Variants in QRFPR observed in about 807,000 individuals in gnomAD.
QRFPR encodes the protein pyroglutamylated RFamide peptide receptor, also known as pyroglutamylated RF-amide peptide receptor.
QRFPR carries 37 observed loss-of-function variants against 31.3 expected under a neutral mutation model. That is an observed-to-expected ratio of 1.18 (90% CI 0.91 to 1.56). The LOEUF (loss-of-function observed/expected upper bound fraction) is 1.56, where lower values mean the gene tolerates loss of function less well. QRFPR is among the 40% of genes most tolerant of loss of function. The pLI, the probability that QRFPR is intolerant of heterozygous loss-of-function variation, is 0.00. For synonymous variants in QRFPR, 197 were observed against 192.0 expected (o/e 1.03, Z -0.22); for missense variants, 542 against 532.5 (o/e 1.02, Z -0.18).
At position 121,370,229 on chromosome 4, in the gene QRFPR, G is replaced by T. The variant is rs191210918; in HGVS notation, c.340+10079C>A. ...ATGGAGGAGGAGTCATGGGTGCAGG[G>T]TCCTTGAGGGTATCATCATAGCTGA... On this transcript the variant is annotated intron_variant, in intron 1 of 5. Transcript: ENST00000394427. The T allele has an allele frequency of 3.3e-4, 255 of 777,550 alleles. No homozygotes were observed. The East Asian group carries it at 5.9e-3, about 18-fold the overall frequency. 48.2% of individuals were successfully genotyped at this position (777,550 alleles called of 1,614,324 possible).
intron 1 of QRFPR, among the ~76,000 whole-genome samples, chr4:121,345,766 G>A (rs1251926185): frequency 2.0e-5 from 3 of 152,140 alleles, no homozygotes; most frequent in African/African-American, 7.2e-5. Context: ...CTCTCACTGA[G>A]AACAGTGTTC....
At chr4:121,372,496 T>C (rs1409464238) in intron 1 of QRFPR, among the ~76,000 whole-genome samples, 2 of 152,232 alleles carry the variant, frequency 1.3e-5, no homozygotes, top group African/African-American at 4.8e-5. Context: ...ACATTCACAG[T>C]GTCGTGCAAT....
intron 1 of QRFPR, among the ~76,000 whole-genome samples, chr4:121,360,249 T>TG: frequency 6.6e-6 from 1 of 152,300 alleles, no homozygotes. Flanking sequence ...TGTAAAATGG[T>TG]TTGCCTTTGT....
chr4:121,349,112 T>C (rs2110473742), intron 1 of QRFPR, among the ~76,000 whole-genome samples: 1 of 63,980 alleles, frequency 1.6e-5, no homozygotes. Context: ...AAAAATAAAG[T>C]AAAATAAAAT....
chr4:121,351,108 G>A (rs555130177), intron 1 of QRFPR, among the ~76,000 whole-genome samples: 1 of 152,328 alleles, frequency 6.6e-6, no homozygotes, highest in Admixed American at 6.5e-5. Flanking sequence ...AGGAAAGACA[G>A]CTTTCCTCAA....
intron 1 of QRFPR, among the ~76,000 whole-genome samples, chr4:121,351,773 G>A (rs143039159): frequency 3.0e-4 from 46 of 151,574 alleles, no homozygotes; most frequent in Admixed American, 9.2e-4. Context: ...TAAAATATTA[G>A]GAGTACTTAT....
At chr4:121,378,398 C>T (rs1374252469) in intron 1 of QRFPR, among the ~76,000 whole-genome samples, 1 of 149,266 alleles carries the variant, frequency 6.7e-6, no homozygotes, top group African/African-American at 2.5e-5. Flanking sequence ...AAAGATCTGG[C>T]TCACTGCACT....
At chr4:121,373,275 G>A (rs1726286571) in intron 1 of QRFPR, among the ~76,000 whole-genome samples, 1 of 152,272 alleles carries the variant, frequency 6.6e-6, no homozygotes, top group East Asian at 1.9e-4. Context: ...GTCCTAAGTA[G>A]AGAGAATCTT....
chr4:121,337,605 C>T (rs1364458518), intron 2 of QRFPR, among the ~76,000 whole-genome samples: 1 of 152,210 alleles, frequency 6.6e-6, no homozygotes, highest in African/African-American at 2.4e-5. Context: ...CTCTCTGTCA[C>T]CTCTTTTTAA....
intron 1 of QRFPR, among the ~76,000 whole-genome samples, chr4:121,377,359 A>C (rs1334361138): frequency 2.6e-5 from 4 of 152,012 alleles, no homozygotes; most frequent in Non-Finnish European, 5.9e-5. Flanking sequence ...TCACCCCTGA[A>C]GGAATTTGAG....
intron 1 of QRFPR, among the ~76,000 whole-genome samples, chr4:121,374,332 T>G (rs1263455412): frequency 6.6e-6 from 1 of 152,238 alleles, no homozygotes; most frequent in Non-Finnish European, 1.5e-5. Flanking sequence ...AAATATATAA[T>G]AGCTATATTG....
At chr4:121,376,724 A>C (rs1726360247) in intron 1 of QRFPR, among the ~76,000 whole-genome samples, 1 of 152,172 alleles carries the variant, frequency 6.6e-6, no homozygotes, top group African/African-American at 2.4e-5. Context: ...CAAAGAGACA[A>C]GTGTAACTGG....
rs137888056 is a variant in QRFPR, at chr4:121,342,696, T to A, written c.341-2086A>T. On this transcript the variant is annotated intron_variant, in intron 1 of 5. Coordinates refer to ENST00000394427, the MANE Select transcript of QRFPR (RefSeq NM_198179.3). ...TACTAAAATATAGATGCCAGAGCAA[T>A]AATTTTTGTCTATTTTTTTCGCTGA... is the stretch of plus-strand genomic sequence containing the variant. Among the ~76,000 whole-genome samples, 68 of 143,326 alleles carry A rather than the reference T, an allele frequency of 4.7e-4. 1 individual carries two copies. The East Asian group carries it at 0.012, about 25-fold the overall frequency. The allele number at this position is 143,326 out of a possible 152,430, so 94.0% of individuals were successfully genotyped here. A position where few individuals can be genotyped will look rare whatever the true frequency, so the allele number is the denominator to read the frequency against.
intron 1 of QRFPR, among the ~76,000 whole-genome samples, chr4:121,374,674 C>A (rs183574724): frequency 2.6e-5 from 4 of 152,284 alleles, no homozygotes; most frequent in Admixed American, 2.0e-4. Flanking sequence ...AAAAAACTCC[C>A]AGATGATTTA....
chr4:121,334,628 G>GA (rs944081003), intron 3 of QRFPR: 9 of 392,344 alleles, frequency 2.3e-5, no homozygotes, highest in East Asian at 8.0e-5. Context: ...GCCTGGCAGA[G>GA]AAAAAAAGGT....
chr4:121,370,960 C>A (rs1726231309), intron 1 of QRFPR, among the ~76,000 whole-genome samples: 2 of 152,144 alleles, frequency 1.3e-5, no homozygotes, highest in South Asian at 4.1e-4. Flanking sequence ...TAACTTCTCT[C>A]CTTGGTCTTC....
chr4:121,380,523 C>T lies in QRFPR; in HGVS notation c.125G>A (p.Gly42Glu), dbSNP rs1279788518. The T allele has an allele frequency of 1.9e-6, 3 of 1,613,548 alleles. No individual in the cohort carries two copies. The highest frequency in any genetic ancestry group is 2.2e-5 in the East Asian group (1 of 44,862). ...RPLVYTPELP[G>E]RAKLALVLTG... ...GAGCACGAGGGCCAGCTTGGCGCGT[C>T]CCGGCAGCTCTGGGGTGTAGACGAG... Residue 42 changes from glycine (G) to glutamate (E), a missense_variant, in exon 1 of 6, where the codon GGA (glycine) becomes GAA (glutamate). Coordinates refer to ENST00000394427, the MANE Select transcript of QRFPR (RefSeq NM_198179.3).
intron 5 of QRFPR, 142 bp downstream of exon 5, chr4:121,330,284 G>A (rs1313675133): frequency 1.6e-6 from 1 of 627,250 alleles, no homozygotes; most frequent in East Asian, 2.8e-5. Context: ...ATGACCTTGT[G>A]ATCTTGAAGA....
At chr4:121,371,923 T>G (rs946788410) in intron 1 of QRFPR, among the ~76,000 whole-genome samples, 5 of 151,300 alleles carry the variant, frequency 3.3e-5, no homozygotes, top group Admixed American at 3.3e-4. Flanking sequence ...CTTGCACAGA[T>G]GCCAAAGGCA....
Sources: allele counts gnomAD v4.1 joint callset (sites outside exome capture counted in the v4.1 genomes callset), GRCh38; gene constraint gnomAD v4.1.1; transcripts MANE v1.5; gene names NCBI Gene and HGNC (gene_info 2026-07-23, HGNC 2026-07-21).